METTL24: variants seen among roughly 807,000 people sequenced by gnomAD.
METTL24 encodes the protein probable methyltransferase-like protein 24.
METTL24 carries 29 observed loss-of-function variants against 32.7 expected under a neutral mutation model. That is an observed-to-expected ratio of 0.89 (90% confidence interval 0.66 to 1.21). METTL24 has a LOEUF of 1.21. Ranked by LOEUF, METTL24 falls within the 50% of genes most tolerant of loss-of-function variation. The pLI is 0.00. For missense variants in METTL24, 439 were observed against 468.1 expected (o/e 0.94, Z 0.57); for synonymous variants, 163 against 179.5 (o/e 0.91, Z 0.73).
chr6:110,349,500 A>AT (rs1223702943), intron 1 of METTL24, among the ~76,000 whole-genome samples: 4 of 152,230 alleles, frequency 2.6e-5, no homozygotes, highest in Non-Finnish European at 5.9e-5. Flanking sequence ...AGTCCGGAGC[A>AT]TTGTTTGTGA....
chr6:110,250,683 G>A (rs1401056320), intron 4 of METTL24, among the ~76,000 whole-genome samples: 1 of 152,110 alleles, frequency 6.6e-6, no homozygotes, highest in Non-Finnish European at 1.5e-5. Context: ...AGACAATTAC[G>A]GTTATCACTC....
intron 4 of METTL24, among the ~76,000 whole-genome samples, chr6:110,271,589 C>CTTGT (rs1770959277): frequency 6.6e-6 from 1 of 152,130 alleles, no homozygotes; most frequent in African/African-American, 2.4e-5. Flanking sequence ...TACATTTGAA[C>CTTGT]TTAAAACAGT....
At chr6:110,305,262 C>A (rs55876716) in intron 3 of METTL24, among the ~76,000 whole-genome samples, 22,622 of 151,992 alleles carry the variant, frequency 0.15, 1,967 homozygotes, top group African/African-American at 0.23. Context: ...AGGACATAGG[C>A]ATGGGCAAAG....
At chr6:110,308,571 G>A (rs1041047656) in intron 3 of METTL24, among the ~76,000 whole-genome samples, 1 of 152,096 alleles carries the variant, frequency 6.6e-6, no homozygotes, top group Non-Finnish European at 1.5e-5. Flanking sequence ...GATTACTGGT[G>A]GGAATGCAAA....
At chr6:110,279,269 C>T (rs536927425) in intron 4 of METTL24, among the ~76,000 whole-genome samples, 1 of 152,132 alleles carries the variant, frequency 6.6e-6, no homozygotes, top group Non-Finnish European at 1.5e-5. Context: ...TAAATAGATA[C>T]ATGGTGTATT....
At chr6:110,316,693 C>T (rs1367571758) in intron 2 of METTL24, among the ~76,000 whole-genome samples, 1 of 152,148 alleles carries the variant, frequency 6.6e-6, no homozygotes, top group African/African-American at 2.4e-5. Context: ...CCCAGGAGCT[C>T]GAGACCAGTC....
chr6:110,358,049 T>G lies in METTL24; in HGVS notation c.224A>C (p.Tyr75Ser), dbSNP rs1374526306. The G allele has an allele frequency of 9.2e-7, 1 of 1,092,292 alleles. No individual in the cohort carries two copies. Among genetic ancestry groups the G allele is most frequent in the Non-Finnish European group, 1.1e-6 (1 of 900,464 alleles). 67.7% of individuals were successfully genotyped at this position (1,092,292 alleles called of 1,614,324 possible). A position where few individuals can be genotyped will look rare whatever the true frequency, so the allele number is the denominator to read the frequency against. Residue 75 changes from tyrosine to serine, a missense_variant, in exon 1 of 5, where the codon TAC becomes TCC. By Grantham distance (144) the Tyr-to-Ser change is moderately radical. Coordinates refer to ENST00000338882, the MANE Select transcript of METTL24 (RefSeq NM_001123364.3). ...PRGASRRQVTYVRSGRRAPPG... is the reference protein window; with the variant it reads ...PRGASRRQVTSVRSGRRAPPG... ...CGGCGCCCGGCGACCGCTGCGCACGTAGGTCACCTGCCTCCTGCTGGCGCC... is the reference window on the plus strand; with the variant it reads ...CGGCGCCCGGCGACCGCTGCGCACGGAGGTCACCTGCCTCCTGCTGGCGCC...
chr6:110,357,619 C>G (rs1295404953), intron 1 of METTL24: 1 of 156,018 alleles, frequency 6.4e-6, no homozygotes, highest in African/African-American at 2.4e-5. Context: ...CCCTGCCTAT[C>G]ACGCAAACAC....
chr6:110,299,951 C>A (rs1771490540), intron 3 of METTL24, among the ~76,000 whole-genome samples: 1 of 151,846 alleles, frequency 6.6e-6, no homozygotes, highest in African/African-American at 2.4e-5. Flanking sequence ...TTTTCTGCCC[C>A]AATACTGTAC....
At chr6:110,336,596 C>T (rs1487801420) in intron 1 of METTL24, among the ~76,000 whole-genome samples, 1 of 152,042 alleles carries the variant, frequency 6.6e-6, no homozygotes, top group Admixed American at 6.6e-5. Flanking sequence ...AAAAATTAGG[C>T]AGGCATGGTG....
intron 4 of METTL24, among the ~76,000 whole-genome samples, chr6:110,296,780 C>T (rs1771427387): frequency 1.3e-5 from 2 of 152,198 alleles, no homozygotes; most frequent in African/African-American, 4.8e-5. Context: ...AAGGCAGAAA[C>T]GCTGACATTT....
intron 3 of METTL24, among the ~76,000 whole-genome samples, chr6:110,299,988 C>T (rs1562229962): frequency 6.6e-6 from 1 of 152,036 alleles, no homozygotes. Context: ...ATACCAAAAT[C>T]CCACAGAGTA....
intron 1 of METTL24, among the ~76,000 whole-genome samples, chr6:110,346,246 C>A (rs1254804370): frequency 6.6e-6 from 1 of 152,224 alleles, no homozygotes; most frequent in East Asian, 1.9e-4. Context: ...ATTCTTTCAG[C>A]CAGTATTTCC....
intron 3 of METTL24, among the ~76,000 whole-genome samples, chr6:110,312,903 G>A (rs1357809726): frequency 6.6e-6 from 1 of 152,236 alleles, no homozygotes; most frequent in African/African-American, 2.4e-5. Context: ...GTGGGAACAG[G>A]CCAGAGCACA....
chr6:110,323,411 C>T (rs1771965448), intron 1 of METTL24, among the ~76,000 whole-genome samples: 1 of 152,150 alleles, frequency 6.6e-6, no homozygotes, highest in African/African-American at 2.4e-5. Flanking sequence ...AGAGCGAGGA[C>T]CCCAGAACTG....
intron 4 of METTL24, among the ~76,000 whole-genome samples, chr6:110,288,873 C>A (rs1053602352): frequency 8.5e-5 from 13 of 152,146 alleles, no homozygotes; most frequent in Non-Finnish European, 1.9e-4. Flanking sequence ...TTGTTTAAAG[C>A]CAGGGGCGGG....
intron 1 of METTL24, among the ~76,000 whole-genome samples, chr6:110,328,424 C>T (rs951119152): frequency 1.3e-5 from 2 of 152,176 alleles, no homozygotes; most frequent in African/African-American, 4.8e-5. Context: ...GCAACTAGTT[C>T]ATGTTATTTA....
At chr6:110,253,795 C>T (rs921128816) in intron 4 of METTL24, 9 of 997,660 alleles carry the variant, frequency 9.0e-6, no homozygotes, top group Non-Finnish European at 1.2e-5. Flanking sequence ...TTGAAATTAT[C>T]CTATGTTTTC....
At chr6:110,323,246 G>A (rs1474708008) in intron 1 of METTL24, among the ~76,000 whole-genome samples, 6 of 152,330 alleles carry the variant, frequency 3.9e-5, no homozygotes, top group East Asian at 1.9e-4. Context: ...CCTTATCGAC[G>A]ACAGTCTCCC....
Sources: gnomAD v4.1 joint callset for allele counts (sites outside exome capture counted in the v4.1 genomes callset) on GRCh38, gnomAD v4.1.1 for gene constraint, MANE v1.5 for transcripts, NCBI Gene and HGNC (gene_info 2026-07-23, HGNC 2026-07-21) for gene names.